Variants in PYROXD2 observed in about 807,000 individuals in gnomAD.
PYROXD2 encodes pyridine nucleotide-disulfide oxidoreductase domain-containing protein 2.
Under a neutral mutation model 71.1 loss-of-function variants are expected in PYROXD2, and 69 were observed. The ratio of observed to expected loss-of-function variants is 0.97; its 90% CI spans 0.80 to 1.19. The LOEUF (loss-of-function observed/expected upper bound fraction) is 1.19, where lower values mean the gene tolerates loss of function less well. Among genes scored for constraint, PYROXD2 ranks in the 50% most tolerant of loss-of-function variants. PYROXD2 has a pLI of 0.00. For synonymous variants in PYROXD2, 287 were observed against 302.7 expected, an observed-to-expected ratio of 0.95 and a Z score of 0.54; for missense variants, 745 against 748.9, an observed-to-expected ratio of 0.99 and a Z score of 0.06.
Position 98,401,273 on chromosome 10 carries a change from A to AAAAAAAAAAC in PYROXD2, c.316-1017_316-1016insGTTTTTTTTT, listed in dbSNP as rs149519972. Reference sequence around the variant, plus strand: ...TGTCTCAAAAAAAAAAAAACAAAAAAAAACAAACATAGAAAAGGTACATTA... The same window carrying AAAAAAAAAAC: ...TGTCTCAAAAAAAAAAAAACAAAAAAAAAAAAAAACAAACAAACATAGAAAAGGTACATTA... On this transcript the variant is annotated intron_variant, in intron 4 of 15. Coordinates refer to ENST00000370575, the MANE Select transcript of PYROXD2 (RefSeq NM_032709.3). 1.5e-3 allele frequency among the ~76,000 whole-genome samples: 180 copies of AAAAAAAAAAC among 121,656 alleles called. 2 individuals carry two copies. Among genetic ancestry groups the AAAAAAAAAAC allele is most frequent in the African/African-American group, 4.3e-3 (118 of 27,386 alleles). 79.8% of individuals were successfully genotyped at this position (121,656 alleles called of 152,430 possible).
At position 98,390,691 on chromosome 10, in the gene PYROXD2, G is replaced by A; in HGVS notation, c.1199C>T (p.Pro400Leu). Residue 400 changes from proline to leucine, a missense_variant, in exon 12 of 16, where the codon CCC becomes CTC. By Grantham distance (98) the Pro-to-Leu change is moderately conservative. Coordinates refer to ENST00000370575, the MANE Select transcript of PYROXD2 (RefSeq NM_032709.3). ...CAGGTGGATGGAGCATTGGTGATGG[G>A]GCAGCGGCTGGCCCCTGGGAGCATT... ...APNAPRGQPLPHHQCSIHLNC... is the reference protein window; with the variant it reads ...APNAPRGQPLLHHQCSIHLNC... 1 of 1,612,806 alleles carries A rather than the reference G, an allele frequency of 6.2e-7. No individual in the cohort carries two copies. The highest frequency in any genetic ancestry group is 1.1e-5 in the South Asian group (1 of 90,882).
intron 13 of PYROXD2, 31 bp from the exon 14 acceptor site, chr10:98,387,338 G>T (rs1842787608): frequency 1.3e-6 from 2 of 1,538,162 alleles, no homozygotes; most frequent in South Asian, 2.3e-5. Flanking sequence ...AAATGAGATG[G>T]TGTTAGGAAG....
intron 13 of PYROXD2, 48 bp downstream of exon 13, chr10:98,388,306 C>G: frequency 6.2e-7 from 1 of 1,601,588 alleles, no homozygotes; most frequent in East Asian, 2.2e-5. Flanking sequence ...CCAGTTGGGT[C>G]GCATGCCCGG....
At chr10:98,404,236 G>A (rs1843518044) in intron 4 of PYROXD2, among the ~76,000 whole-genome samples, 1 of 152,168 alleles carries the variant, frequency 6.6e-6, no homozygotes, top group South Asian at 2.1e-4. Flanking sequence ...GTTCAAATAA[G>A]GCAAACACTG....
intron 5 of PYROXD2, among the ~76,000 whole-genome samples, chr10:98,399,610 G>A (rs1843319034): frequency 6.6e-6 from 1 of 152,198 alleles, no homozygotes; most frequent in African/African-American, 2.4e-5. Flanking sequence ...CAGCCAGGAG[G>A]GAGCCTTGGG....
At chr10:98,404,321 ATCT>A (rs1267659928) in intron 4 of PYROXD2, among the ~76,000 whole-genome samples, 5 of 152,120 alleles carry the variant, frequency 3.3e-5, no homozygotes, top group Admixed American at 1.3e-4. Flanking sequence ...CTGTCTATAA[ATCT>A]TCTTCTACCA....
At chr10:98,401,264 AAAC>A (rs1435373602) in intron 4 of PYROXD2, among the ~76,000 whole-genome samples, 8 of 147,340 alleles carry the variant, frequency 5.4e-5, no homozygotes, top group African/African-American at 1.0e-4. Flanking sequence ...AAAAAAAAAA[AAAC>A]AAAAAAAAAC....
At chr10:98,401,438 A>G (rs73333643) in intron 4 of PYROXD2, among the ~76,000 whole-genome samples, 3,017 of 152,162 alleles carry the variant, frequency 0.02, 62 homozygotes, top group African/African-American at 0.051. Flanking sequence ...ACTACTGCAC[A>G]CTTTATAAAT....
intron 14 of PYROXD2, among the ~76,000 whole-genome samples, chr10:98,386,430 A>G (rs1396783704): frequency 1.3e-5 from 2 of 152,214 alleles, no homozygotes; most frequent in African/African-American, 4.8e-5. Flanking sequence ...AAAATATTAT[A>G]ATTTCAACAT....
At chr10:98,385,455 C>T (rs889487284) in intron 14 of PYROXD2, among the ~76,000 whole-genome samples, 4 of 152,250 alleles carry the variant, frequency 2.6e-5, no homozygotes, top group Non-Finnish European at 5.9e-5. Flanking sequence ...GCCCGGACCC[C>T]GGTGTCCAAG....
intron 13 of PYROXD2, 102 bp from the exon 14 acceptor site, chr10:98,387,409 C>T: frequency 1.4e-6 from 1 of 732,768 alleles, no homozygotes; most frequent in Non-Finnish European, 2.3e-6. Flanking sequence ...AAATTACACA[C>T]AGAAATGGGC....
chr10:98,403,831 G>C (rs1448160296), intron 4 of PYROXD2, among the ~76,000 whole-genome samples: 1 of 152,144 alleles, frequency 6.6e-6, no homozygotes, highest in Non-Finnish European at 1.5e-5. Flanking sequence ...TGCCTTCCTA[G>C]TTCACTGCCG....
intron 4 of PYROXD2, among the ~76,000 whole-genome samples, chr10:98,406,232 G>A (rs1338640021): frequency 2.0e-5 from 3 of 152,178 alleles, no homozygotes; most frequent in African/African-American, 7.2e-5. Flanking sequence ...GGAACACTAT[G>A]ACAAATACCA....
rs1335707118 is a variant in PYROXD2 at position 98,407,974 on chromosome 10, C to A, written c.171G>T (p.Gly57=). The A allele has an allele frequency of 6.2e-7, 1 of 1,608,654 alleles. No homozygotes were observed. The highest frequency in any genetic ancestry group is 1.1e-5 in the South Asian group (1 of 89,626). The change falls in exon 3 of 16, where the codon GGG becomes GGT. Residue 57 remains glycine (G), a synonymous_variant. Coordinates refer to ENST00000370575, the MANE Select transcript of PYROXD2 (RefSeq NM_032709.3). ...GCCTCTCGAAGACGGCGGTGTTCAC[C>A]CCCAGTCTCTGCAGGTACGCTGCCT... ...LVAAAYLQRL[G]VNTAVFERRH...
rs1290713435 is a variant in PYROXD2, at chr10:98,392,454, G to A, written c.1040C>T (p.Thr347Ile). Residue 347 changes from threonine (T) to isoleucine (I), a missense_variant, in exon 10 of 16, where the codon ACC (threonine) becomes ATC (isoleucine). Thr to Ile is a moderately conservative substitution (Grantham distance 89). Coordinates refer to ENST00000370575, the MANE Select transcript of PYROXD2 (RefSeq NM_032709.3). ...MVLSNTSPQI[T>I]FLKLTPQEWL... ...CACCTGTGGCGTCAGCTTCAGGAAGGTGATCTGCGGTGATGTGTTGGACAG... is the reference window on the plus strand; with the variant it reads ...CACCTGTGGCGTCAGCTTCAGGAAGATGATCTGCGGTGATGTGTTGGACAG... 1 of 1,613,752 alleles carries A rather than the reference G, an allele frequency of 6.2e-7. No homozygotes were observed. Among genetic ancestry groups the A allele is most frequent in the Admixed American group, 1.7e-5 (1 of 60,012 alleles).
Position 98,390,673 on chromosome 10 carries a change from A to T in PYROXD2, c.1217T>A (p.Ile406Asn), listed in dbSNP as rs1414771544. ...GAGGGTGTCTTCACAGTTCAGGTGG[A>T]TGGAGCATTGGTGATGGGGCAGCGG... ...GQPLPHHQCS[I>N]HLNCEDTLLL... Residue 406 changes from isoleucine (I) to asparagine (N), a missense_variant, in exon 12 of 16, where the codon ATC becomes AAC. Physicochemically the swap from Ile to Asn is moderately radical, Grantham distance 149. Transcript: ENST00000370575. 6 of 1,613,058 alleles carry T rather than the reference A, an allele frequency of 3.7e-6. No homozygotes were observed. The highest frequency in any genetic ancestry group is 5.1e-6 in the Non-Finnish European group (6 of 1,179,452).
intron 4 of PYROXD2, 80 bp downstream of exon 4, chr10:98,407,502 G>T: frequency 6.4e-7 from 1 of 1,567,400 alleles, no homozygotes; most frequent in South Asian, 1.2e-5. Flanking sequence ...CTCGGGCACA[G>T]AACAGGGACC....
At chr10:98,387,114 G>T in intron 14 of PYROXD2, 87 bp downstream of exon 14, 1 of 985,136 alleles carries the variant, frequency 1.0e-6, no homozygotes, top group Non-Finnish European at 1.5e-6. Flanking sequence ...GAGTATGGAG[G>T]GACAAGATAA....
Position 98,392,663 on chromosome 10 carries a change from C to T in PYROXD2, c.928-97G>A. 21 of 1,538,756 alleles carry T rather than the reference C, an allele frequency of 1.4e-5. No individual in the cohort carries two copies. In the South Asian group the frequency reaches 2.2e-4, roughly 16 times the overall value. On this transcript the variant is annotated intron_variant, in intron 9 of 15. Transcript: ENST00000370575. ...ATGGTCTGTGCTGCTCCTAGGCATT[C>T]ACAACTTCTTCATCCCAAACCCATC... is the stretch of plus-strand genomic sequence containing the variant.
Sources: allele counts gnomAD v4.1 joint callset (sites outside exome capture counted in the v4.1 genomes callset), GRCh38; gene constraint gnomAD v4.1.1; transcripts MANE v1.5; gene names NCBI Gene and HGNC (gene_info 2026-07-23, HGNC 2026-07-21).